The following SAMMSON variants were observed in gnomAD, a reference collection of about 807,000 sequenced individuals.
The protein encoded by SAMMSON is survival associated mitochondrial melanoma specific oncogenic non-coding RNA.
At chr3:70,209,241 G>A (rs985934300) in intron 4 of SAMMSON, among the ~76,000 whole-genome samples, 1 of 151,956 alleles carries the variant, frequency 6.6e-6, no homozygotes, top group African/African-American at 2.4e-5. Context: ...GATGTTTAGT[G>A]GTATCGTAGT....
At chr3:70,258,711 G>A (rs1701840119) in intron 6 of SAMMSON, among the ~76,000 whole-genome samples, 1 of 152,054 alleles carries the variant, frequency 6.6e-6, no homozygotes, top group Non-Finnish European at 1.5e-5. Flanking sequence ...GTGAATTGAA[G>A]CATGTTTTTA....
At chr3:70,004,975 C>T (rs2066920491) in intron 1 of SAMMSON, among the ~76,000 whole-genome samples, 1 of 152,298 alleles carries the variant, frequency 6.6e-6, no homozygotes, top group Non-Finnish European at 1.5e-5. Flanking sequence ...ACTGCTTTAT[C>T]CAGCATTGTT....
intron 3 of SAMMSON, among the ~76,000 whole-genome samples, chr3:70,024,440 G>A (rs1214084404): frequency 6.6e-6 from 1 of 152,114 alleles, no homozygotes; most frequent in Non-Finnish European, 1.5e-5. Context: ...AAAATTAGCT[G>A]ATATTTGTCA....
chr3:70,067,421 A>G (rs772451681), intron 3 of SAMMSON, among the ~76,000 whole-genome samples: 2 of 152,092 alleles, frequency 1.3e-5, no homozygotes, highest in Non-Finnish European at 2.9e-5. Flanking sequence ...AACAATAGGT[A>G]CTGGTTTTTT....
chr3:70,290,832 G>T (rs932254287), intron 6 of SAMMSON, among the ~76,000 whole-genome samples: 1 of 152,168 alleles, frequency 6.6e-6, no homozygotes, highest in Non-Finnish European at 1.5e-5. Context: ...TCCAGGTGCG[G>T]TCCTCACCCC....
chr3:70,364,490 T>A (rs937147915), intron 9 of SAMMSON, among the ~76,000 whole-genome samples: 1 of 151,926 alleles, frequency 6.6e-6, no homozygotes, highest in Admixed American at 6.6e-5. Flanking sequence ...CTTCCCTCTT[T>A]AACAAGCGGC....
At position 70,037,070 on chromosome 3, in the gene SAMMSON, T is replaced by C. The variant is rs185577552; in HGVS notation, n.417+23398T>C. 3.4e-3 allele frequency among the ~76,000 whole-genome samples: 516 copies of C among 152,118 alleles called. 1 individual carries two copies. The highest frequency in any genetic ancestry group is 0.012 in the African/African-American group (493 of 41,516). On this transcript the variant is annotated intron_variant and non_coding_transcript_variant, in intron 3 of 9. Transcript: ENST00000642114. ...GATTAGTACAGGAGGATGTGGTATGTTTAATATTTTCAATGCCTGGAACAT... is the reference window on the plus strand; with the variant it reads ...GATTAGTACAGGAGGATGTGGTATGCTTAATATTTTCAATGCCTGGAACAT...
chr3:70,420,173 A>C (rs1701300232), intron 2 of SAMMSON, among the ~76,000 whole-genome samples: 1 of 152,188 alleles, frequency 6.6e-6, no homozygotes, highest in Non-Finnish European at 1.5e-5. Flanking sequence ...TAGAACTATT[A>C]GCTGTCTCAC....
chr3:70,090,041 T>C (rs998162300), intron 4 of SAMMSON, among the ~76,000 whole-genome samples: 12 of 152,110 alleles, frequency 7.9e-5, no homozygotes, highest in Admixed American at 2.0e-4. Context: ...TTTCCTACCC[T>C]TTTTTTCCTT....
intron 7 of SAMMSON, among the ~76,000 whole-genome samples, chr3:70,349,549 G>T (rs1313880915): frequency 1.3e-5 from 2 of 152,094 alleles, no homozygotes; most frequent in Non-Finnish European, 2.9e-5. Context: ...ATAATGAGGG[G>T]TATTGATAAA....
intron 3 of SAMMSON, among the ~76,000 whole-genome samples, chr3:70,059,343 T>C (rs1161603873): frequency 6.6e-6 from 1 of 152,008 alleles, no homozygotes; most frequent in Non-Finnish European, 1.5e-5. Context: ...TATATAGATA[T>C]ATAGAAGGAG....
chr3:70,386,121 G>A (rs1334081792), intron 9 of SAMMSON, among the ~76,000 whole-genome samples: 3 of 152,126 alleles, frequency 2.0e-5, no homozygotes, highest in Admixed American at 6.6e-5. Flanking sequence ...TGGCAAGAGC[G>A]TTTTGAAGCC....
At chr3:70,258,027 G>A (rs1701832753) in intron 6 of SAMMSON, among the ~76,000 whole-genome samples, 1 of 152,162 alleles carries the variant, frequency 6.6e-6, no homozygotes, top group Non-Finnish European at 1.5e-5. Context: ...TTAAATGGGG[G>A]AAATGGAGAG....
intron 3 of SAMMSON, among the ~76,000 whole-genome samples, chr3:70,028,191 CTTTCTTTCTTTCTCT>C: frequency 2.2e-5 from 3 of 138,902 alleles, no homozygotes; most frequent in African/African-American, 8.8e-5. Context: ...TCCTTCCTTT[CTTTCTTTCTTTCTCT>C]CTTTCTTTCT....
At chr3:70,362,709 A>G (rs1575633850) in intron 9 of SAMMSON, among the ~76,000 whole-genome samples, 1 of 151,836 alleles carries the variant, frequency 6.6e-6, no homozygotes, top group East Asian at 1.9e-4. Context: ...ACATCCCTGA[A>G]TTGCTTCTTA....
chr3:70,004,136 A>T (rs1335111475), intron 1 of SAMMSON, among the ~76,000 whole-genome samples: 2 of 152,158 alleles, frequency 1.3e-5, no homozygotes, highest in East Asian at 3.9e-4. Context: ...ACAGGTGTTC[A>T]TGCACACACA....
chr3:70,355,725 A>G (rs1330721193), intron 8 of SAMMSON, among the ~76,000 whole-genome samples: 1 of 152,194 alleles, frequency 6.6e-6, no homozygotes, highest in African/African-American at 2.4e-5. Flanking sequence ...TTCAGAACCT[A>G]TAGACATACT....
At position 70,092,059 on chromosome 3, in the gene SAMMSON, C is replaced by T. The variant is rs147394796; in HGVS notation, n.507+20494C>T. ...CAAGAGGCATCTAGGAATAAGGAAG[C>T]GAAGATCTAGGCTCTAGGCCTGGGT... On this transcript the variant is annotated intron_variant and non_coding_transcript_variant, in intron 4 of 9. Coordinates refer to ENST00000642114, the Ensembl canonical transcript of SAMMSON. 1.1e-3 allele frequency among the ~76,000 whole-genome samples: 167 copies of T among 152,154 alleles called. 1 individual carries two copies. In the East Asian group the frequency reaches 0.019, roughly 18 times the overall value.
At chr3:70,419,017 C>CTTTA in intron 2 of SAMMSON, among the ~76,000 whole-genome samples, 1 of 128,076 alleles carries the variant, frequency 7.8e-6, no homozygotes. Flanking sequence ...TTCTTTCTTT[C>CTTTA]CTTCTTTCTT....
Sources: gnomAD v4.1 joint callset for allele counts (sites outside exome capture counted in the v4.1 genomes callset) on GRCh38, gnomAD v4.1.1 for gene constraint, MANE v1.5 for transcripts, NCBI Gene and HGNC (gene_info 2026-07-23, HGNC 2026-07-21) for gene names.